The following CNTNAP5 variants were observed in gnomAD, a reference collection of about 807,000 sequenced individuals.
The protein encoded by CNTNAP5 is contactin associated protein family member 5.
Under a neutral mutation model 150.2 loss-of-function variants are expected in CNTNAP5, and 72 were observed. That is an observed-to-expected ratio of 0.48 (90% CI 0.40 to 0.58). CNTNAP5 has a LOEUF of 0.58. Among genes scored for constraint, CNTNAP5 ranks in the 20% least tolerant of loss-of-function variants. The pLI, the probability that CNTNAP5 is intolerant of heterozygous loss-of-function variation, is 0.00. For synonymous variants in CNTNAP5, 672 were observed against 619.8 expected, an observed-to-expected ratio of 1.08 and a Z score of -1.25; for missense variants, 1,636 against 1,626.2, an observed-to-expected ratio of 1.01 and a Z score of -0.10.
At chr2:124,376,151 T>C (rs1306721115) in intron 3 of CNTNAP5, among the ~76,000 whole-genome samples, 1 of 152,070 alleles carries the variant, frequency 6.6e-6, no homozygotes, top group African/African-American at 2.4e-5. Flanking sequence ...GCCTTTTGTT[T>C]CAAAGCAACC....
In CNTNAP5 at chr2:124,260,016, A is replaced by G. The variant is rs966483570; in HGVS notation, c.381+17623A>G. On this transcript the variant is annotated intron_variant, in intron 3 of 23. Transcript: ENST00000682447. ...TTCTTCACGGAATTGGAAAAAAACTACTTTAAAATTCATATGGAACCAAAA... is the reference window on the plus strand; with the variant it reads ...TTCTTCACGGAATTGGAAAAAAACTGCTTTAAAATTCATATGGAACCAAAA... Among the ~76,000 whole-genome samples, 5 of 152,288 alleles carry G rather than the reference A, an allele frequency of 3.3e-5. No individual in the cohort carries two copies. The South Asian group carries it at 1.0e-3, about 32-fold the overall frequency.
At chr2:124,647,460 G>T (rs1270316381) in intron 12 of CNTNAP5, among the ~76,000 whole-genome samples, 3 of 152,154 alleles carry the variant, frequency 2.0e-5, no homozygotes, top group Non-Finnish European at 2.9e-5. Flanking sequence ...TTTTGACATA[G>T]CGGTATTGCT....
rs57849633 is a variant in CNTNAP5, at chr2:124,086,188, CTTTTTTTTTTTTT to C, written c.82+60470_82+60482del. ...TGCAGCTTTGTTTTTGGTGTACACA[CTTTTTTTTTTTTT>C]TTTTTTTTTTTTTGAAACCGAGTCT... On this transcript the variant is annotated intron_variant, in intron 1 of 23. Transcript: ENST00000682447. Among the ~76,000 whole-genome samples the C allele has an allele frequency of 7.3e-5, 6 of 82,012 alleles. No individual in the cohort carries two copies. The East Asian group carries it at 2.5e-3, about 35-fold the overall frequency. 53.8% of individuals were successfully genotyped at this position (82,012 alleles called of 152,430 possible). A position where few individuals can be genotyped will look rare whatever the true frequency, so the allele number is the denominator to read the frequency against.
At chr2:124,290,974 T>C (rs1688274953) in intron 3 of CNTNAP5, among the ~76,000 whole-genome samples, 1 of 152,030 alleles carries the variant, frequency 6.6e-6, no homozygotes, top group Admixed American at 6.6e-5. Context: ...GGAAATGAAA[T>C]AGTATGTGTG....
chr2:124,313,826 C>A (rs906520332), intron 3 of CNTNAP5, among the ~76,000 whole-genome samples: 3 of 152,134 alleles, frequency 2.0e-5, no homozygotes, highest in African/African-American at 4.8e-5. Flanking sequence ...ATACCAGAAA[C>A]CTTTAATCCA....
chr2:124,696,998 T>A (rs1220757652), intron 13 of CNTNAP5, among the ~76,000 whole-genome samples: 1 of 152,190 alleles, frequency 6.6e-6, no homozygotes, highest in Non-Finnish European at 1.5e-5. Flanking sequence ...GAGAATACAG[T>A]GTCTCAGGAA....
intron 3 of CNTNAP5, among the ~76,000 whole-genome samples, chr2:124,397,252 C>G (rs1286255796): frequency 6.6e-6 from 1 of 152,084 alleles, no homozygotes; most frequent in Admixed American, 6.6e-5. Flanking sequence ...AACAAATGTA[C>G]AATAGACTTA....
Position 124,434,558 on chromosome 2 carries a change from A to G in CNTNAP5, c.604A>G (p.Lys202Glu). 6.2e-7 allele frequency: 1 copy of G among 1,613,986 alleles called. No homozygotes were observed. The highest frequency in any genetic ancestry group is 8.5e-7 in the Non-Finnish European group (1 of 1,179,852). ...RFNQKLMSTL[K>E]DVISLKFKSM... ...CAATCAGAAGTTGATGAGTACTCTC[A>G]AAGATGTGATCTCCCTGAAGTTCAA... The change falls in exon 5 of 24, where the codon AAA becomes GAA. Residue 202 changes from lysine (K) to glutamate (E), a missense_variant. Physicochemically the swap from Lys to Glu is moderately conservative, Grantham distance 56. Transcript: ENST00000682447.
intron 3 of CNTNAP5, among the ~76,000 whole-genome samples, chr2:124,292,736 G>A (rs1688331681): frequency 6.6e-6 from 1 of 151,998 alleles, no homozygotes; most frequent in South Asian, 2.1e-4. Flanking sequence ...AAAACCTTAT[G>A]CAAAAATATT....
chr2:124,643,421 T>A (rs1573517798), intron 12 of CNTNAP5, among the ~76,000 whole-genome samples: 1 of 152,096 alleles, frequency 6.6e-6, no homozygotes, highest in East Asian at 1.9e-4. Flanking sequence ...GCAAATTATC[T>A]TGAAGGAATT....
chr2:124,813,362 C>G (rs1682280489), intron 19 of CNTNAP5, among the ~76,000 whole-genome samples: 1 of 148,852 alleles, frequency 6.7e-6, no homozygotes, highest in African/African-American at 2.4e-5. Context: ...CAGGCATGAG[C>G]CACCGTGCCT....
intron 3 of CNTNAP5, among the ~76,000 whole-genome samples, chr2:124,250,738 T>C (rs1687150175): frequency 6.6e-6 from 1 of 151,116 alleles, no homozygotes; most frequent in African/African-American, 2.4e-5. Flanking sequence ...TACCTGGCTC[T>C]AGCCAAATGG....
chr2:124,706,754 A>AGAAGAAGAG (rs1558742863), intron 13 of CNTNAP5, among the ~76,000 whole-genome samples: 1 of 23,502 alleles, frequency 4.3e-5, no homozygotes, highest in African/African-American at 1.9e-4. Flanking sequence ...TTCAAGAAGA[A>AGAAGAAGAG]GAAGAAGAAG....
At chr2:124,201,837 G>T (rs181329059) in intron 1 of CNTNAP5, among the ~76,000 whole-genome samples, 1 of 152,286 alleles carries the variant, frequency 6.6e-6, no homozygotes, top group Admixed American at 6.5e-5. Flanking sequence ...GCTTAGAGCA[G>T]CAATATTTCA....
At chr2:124,777,146 G>GAAA (rs11317771) in intron 17 of CNTNAP5, among the ~76,000 whole-genome samples, 90 of 136,818 alleles carry the variant, frequency 6.6e-4, no homozygotes, top group Middle Eastern at 3.8e-3. Flanking sequence ...CTTTAGTGGG[G>GAAA]AAAAAAAAAA....
intron 17 of CNTNAP5, among the ~76,000 whole-genome samples, chr2:124,774,217 T>TA (rs1558770239): frequency 6.6e-6 from 1 of 152,068 alleles, no homozygotes; most frequent in African/African-American, 2.4e-5. Context: ...TTTATTTATT[T>TA]TTTTTTTGCC....
intron 21 of CNTNAP5, among the ~76,000 whole-genome samples, chr2:124,884,315 G>GT (rs1292076642): frequency 5.3e-5 from 8 of 152,002 alleles, no homozygotes; most frequent in Non-Finnish European, 1.0e-4. Context: ...GTTTGTATGT[G>GT]TATGTGCATA....
In CNTNAP5 at chr2:124,738,063, A is replaced by G. The variant is rs62171326; in HGVS notation, c.2078-9166A>G. Among the ~76,000 whole-genome samples, 356 of 152,274 alleles carry G rather than the reference A, an allele frequency of 2.3e-3. 3 individuals carry two copies. The highest frequency in any genetic ancestry group is 3.6e-3 in the Non-Finnish European group (243 of 68,024). ...CTTAGTTTCTAGATTGTGTGTACAT[A>G]TCAGATATTTTACTTTTCCAACTCT... On this transcript the variant is annotated intron_variant, in intron 13 of 23. Transcript: ENST00000682447.
intron 19 of CNTNAP5, among the ~76,000 whole-genome samples, chr2:124,816,356 T>C (rs1682360665): frequency 6.6e-6 from 1 of 152,072 alleles, no homozygotes; most frequent in Non-Finnish European, 1.5e-5. Context: ...TTGGAAGAAC[T>C]CAGTTTCTTG....
Sources: gnomAD v4.1 joint callset for allele counts (sites outside exome capture counted in the v4.1 genomes callset) on GRCh38, gnomAD v4.1.1 for gene constraint, MANE v1.5 for transcripts, NCBI Gene and HGNC (gene_info 2026-07-23, HGNC 2026-07-21) for gene names.